Variants in AK9 observed in about 807,000 individuals in gnomAD.
AK9 encodes adenylate kinase domain containing 1.
A neutral mutation model predicts 239.6 loss-of-function variants in AK9; 191 were observed. That is an observed-to-expected ratio of 0.80 (90% confidence interval 0.71 to 0.90). The LOEUF (loss-of-function observed/expected upper bound fraction) is 0.90. Ranked by LOEUF, AK9 falls within the 40% of genes least tolerant of loss-of-function variation. The pLI, the probability that AK9 is intolerant of heterozygous loss-of-function variation, is 0.00. For synonymous variants in AK9, 689 were observed against 721.0 expected, an observed-to-expected ratio of 0.96 and a Z score of 0.71; for missense variants, 1,995 against 2,214.7, an observed-to-expected ratio of 0.90 and a Z score of 1.99.
At chr6:109,608,104 C>T (rs1331056204) in intron 17 of AK9, among the ~76,000 whole-genome samples, 5 of 151,546 alleles carry the variant, frequency 3.3e-5, no homozygotes, top group South Asian at 2.1e-4. Context: ...GGTGAAATTC[C>T]GTCTTTACTA....
intron 17 of AK9, among the ~76,000 whole-genome samples, chr6:109,608,278 CA>C (rs568305228): frequency 0.024 from 1,340 of 54,758 alleles, 2 homozygotes; most frequent in South Asian, 0.061. Context: ...GACTCTGGCT[CA>C]AAAAAAAAAA....
intron 24 of AK9, among the ~76,000 whole-genome samples, 151 bp downstream of exon 24, chr6:109,563,445 AG>A (rs537793968): frequency 2.5e-4 from 38 of 152,230 alleles, no homozygotes; most frequent in African/African-American, 7.2e-4. Flanking sequence ...CTGGAATTTC[AG>A]GGGGGTCAAG....
At chr6:109,536,607 C>T (rs1340283791) in intron 27 of AK9, among the ~76,000 whole-genome samples, 3 of 152,136 alleles carry the variant, frequency 2.0e-5, no homozygotes, top group Non-Finnish European at 4.4e-5. Context: ...CTTTCTCCTG[C>T]CTGATTTCCC....
At chr6:109,545,763 A>T in intron 26 of AK9, 104 bp downstream of exon 26, 1 of 1,387,134 alleles carries the variant, frequency 7.2e-7, no homozygotes, top group Non-Finnish European at 9.7e-7. Flanking sequence ...TGATTGTGCC[A>T]CTGCCTTCCT....
intron 8 of AK9, among the ~76,000 whole-genome samples, chr6:109,653,654 A>G (rs1456084621): frequency 7.0e-6 from 1 of 143,676 alleles, no homozygotes; most frequent in Non-Finnish European, 1.5e-5. Context: ...TTACTTGTAG[A>G]TTTCCTTTCT....
chr6:109,613,080 T>A (rs997596401), intron 15 of AK9, among the ~76,000 whole-genome samples: 8 of 150,400 alleles, frequency 5.3e-5, no homozygotes, highest in African/African-American at 1.9e-4. Context: ...TTAGATATAA[T>A]AATAATCTAT....
At position 109,525,982 on chromosome 6, in the gene AK9, T is replaced by C. The variant is rs9480970; in HGVS notation, c.3633+3029A>G. Among the ~76,000 whole-genome samples, 803 of 152,340 alleles carry C rather than the reference T, an allele frequency of 5.3e-3. 9 individuals are homozygous for C. The highest frequency in any genetic ancestry group is 0.019 in the African/African-American group (776 of 41,586). On this transcript the variant is annotated intron_variant, in intron 29 of 40. Coordinates refer to ENST00000424296, the MANE Select transcript of AK9 (RefSeq NM_001145128.3). ...TAAAAAAGAATGAATTCATATCTTT[T>C]GCAGCAACATGGATGGAGCTGGAGT...
At chr6:109,682,425 T>G (rs1772802907) in intron 1 of AK9, among the ~76,000 whole-genome samples, 1 of 46,510 alleles carries the variant, frequency 2.2e-5, no homozygotes, top group Non-Finnish European at 4.0e-5. Flanking sequence ...AGACTCCGTC[T>G]CAAAAAAAAA....
chr6:109,677,377 T>G (rs1771910371), intron 1 of AK9, among the ~76,000 whole-genome samples: 1 of 152,196 alleles, frequency 6.6e-6, no homozygotes, highest in Non-Finnish European at 1.5e-5. Flanking sequence ...TTAGTAAAAA[T>G]GTGCATTAGT....
intron 27 of AK9, among the ~76,000 whole-genome samples, chr6:109,539,630 GT>G (rs1236605957): frequency 6.6e-6 from 1 of 152,134 alleles, no homozygotes; most frequent in Non-Finnish European, 1.5e-5. Flanking sequence ...GTCCAGCTTT[GT>G]TCCATTGCTG....
At chr6:109,605,181 G>C (rs758106848) in intron 17 of AK9, among the ~76,000 whole-genome samples, 23 of 152,142 alleles carry the variant, frequency 1.5e-4, no homozygotes, top group Non-Finnish European at 2.9e-4. Context: ...GTGGCAAGTA[G>C]TCCCAGCTTC....
At chr6:109,531,877 A>G (rs928099426) in intron 28 of AK9, among the ~76,000 whole-genome samples, 2 of 152,204 alleles carry the variant, frequency 1.3e-5, no homozygotes, top group African/African-American at 2.4e-5. Context: ...TCAGATGGCT[A>G]AGAACTCTGC....
In AK9 at chr6:109,563,689, C is replaced by G; in HGVS notation, c.2659G>C (p.Glu887Gln). ...MEKPFQYTAW[E>Q]LTGEDYEEET... Reference sequence around the variant, plus strand: ...TCCTCATAATCTTCCCCAGTTAACTCCCATGCAGTATATTGAAATGGTTCT... The same window carrying G: ...TCCTCATAATCTTCCCCAGTTAACTGCCATGCAGTATATTGAAATGGTTCT... The change falls in exon 24 of 41, where the codon GAG becomes CAG. Residue 887 changes from glutamate to glutamine, a missense_variant. Transcript: ENST00000424296. 1 of 1,550,542 alleles carries G rather than the reference C, an allele frequency of 6.4e-7. No homozygotes were observed. The highest frequency in any genetic ancestry group is 8.7e-7 in the Non-Finnish European group (1 of 1,146,070).
chr6:109,498,254 G>A (rs943705982), intron 36 of AK9, among the ~76,000 whole-genome samples: 1 of 152,202 alleles, frequency 6.6e-6, no homozygotes, highest in Non-Finnish European at 1.5e-5. Context: ...GCCCCTGCCA[G>A]CCCGTATTCC....
intron 24 of AK9, among the ~76,000 whole-genome samples, chr6:109,553,340 GA>G (rs1174192699): frequency 6.6e-6 from 1 of 152,172 alleles, no homozygotes; most frequent in Admixed American, 6.5e-5. Context: ...CATGAGGATG[GA>G]AAGTTTTTCT....
At chr6:109,586,142 T>C in intron 17 of AK9, 70 bp from the exon 18 acceptor site, 1 of 1,267,920 alleles carries the variant, frequency 7.9e-7, no homozygotes, top group Non-Finnish European at 1.0e-6. Context: ...TGATATGTAA[T>C]TTTTGTGGAT....
intron 20 of AK9, among the ~76,000 whole-genome samples, chr6:109,576,412 T>C (rs1788079280): frequency 9.8e-6 from 1 of 102,386 alleles, no homozygotes; most frequent in Non-Finnish European, 2.1e-5. Context: ...TGTATATACA[T>C]ATATATACTT....
chr6:109,534,242 A>G (rs6568581), intron 27 of AK9, among the ~76,000 whole-genome samples: 1 of 150,360 alleles, frequency 6.7e-6, no homozygotes, highest in East Asian at 1.9e-4. Context: ...AGAAAAAAAA[A>G]GAATCAGGAT....
At chr6:109,620,768 CATA>C (rs1562504846) in intron 12 of AK9, among the ~76,000 whole-genome samples, 3 of 151,342 alleles carry the variant, frequency 2.0e-5, no homozygotes, top group Non-Finnish European at 4.4e-5. Context: ...ACTATATACA[CATA>C]ATAGTATACA....
Sources: allele counts gnomAD v4.1 joint callset (sites outside exome capture counted in the v4.1 genomes callset), GRCh38; gene constraint gnomAD v4.1.1; transcripts MANE v1.5; gene names NCBI Gene and HGNC (gene_info 2026-07-23, HGNC 2026-07-21).